PCDHA4: variants seen among roughly 807,000 people sequenced by gnomAD.
PCDHA4 encodes the protein protocadherin alpha-4.
In PCDHA4, 49 loss-of-function variants were observed where a neutral mutation model predicts 61.4. The observed-to-expected ratio is 0.80, with a 90% CI of 0.63 to 1.01. The LOEUF is 1.01. Among genes scored for constraint, PCDHA4 ranks in the 50% least tolerant of loss-of-function variants. The probability of loss-of-function intolerance (pLI) is 0.00; values close to 1 mark genes in which losing one functional copy is unlikely to be tolerated. For missense variants in PCDHA4, 1,254 were observed against 1,235.8 expected, an observed-to-expected ratio of 1.01 and a Z score of -0.22; for synonymous variants, 590 against 550.3, an observed-to-expected ratio of 1.07 and a Z score of -1.01.
rs2154002003 is a variant in PCDHA4, at chr5:141,010,389, G to GAC, written c.*453_*454dup. The stretch of plus-strand genomic sequence containing the variant: ...TATGCGAGTGCCAGATATTGGCTGA[G>GAC]ACGAGCCAGCTTAGACTAATTGGTA... On this transcript the variant is annotated 3_prime_UTR_variant, in exon 4 of 4. Coordinates refer to ENST00000530339, the MANE Select transcript of PCDHA4 (RefSeq NM_018907.4). 1.4e-6 allele frequency: 2 copies of GAC among 1,400,314 alleles called. No individual in the cohort carries two copies. The highest frequency in any genetic ancestry group is 5.0e-5 in the East Asian group (2 of 40,030). The allele number at this position is 1,400,314 out of a possible 1,614,324, so 86.7% of individuals were successfully genotyped here. A position where few individuals can be genotyped will look rare whatever the true frequency, so the allele number is the denominator to read the frequency against.
At chr5:140,851,173 A>G in intron 1 of PCDHA4, 1 of 1,267,370 alleles carries the variant, frequency 7.9e-7, no homozygotes, top group South Asian at 2.8e-5. Context: ...CTGCCATAAC[A>G]CTTGAAAACC....
intron 1 of PCDHA4, chr5:140,821,788 CG>C: frequency 6.2e-7 from 1 of 1,611,448 alleles, no homozygotes; most frequent in Non-Finnish European, 8.5e-7. Flanking sequence ...GGTATATTCC[CG>C]GAGAGGAAGT....
chr5:140,955,171 C>G (rs887184603), intron 1 of PCDHA4, among the ~76,000 whole-genome samples: 2 of 152,158 alleles, frequency 1.3e-5, no homozygotes, highest in African/African-American at 2.4e-5. Context: ...GTTTTGGTTA[C>G]TGTAGTTTTG....
rs2150270290 is a variant in PCDHA4, at chr5:140,836,802, A to T, written c.2385+27230A>T. ...CAATTAGTTCAATTGGTCTCCTTAA[A>T]TTTTCTTTCATAATTTCTTTTTTAG... is the stretch of plus-strand genomic sequence containing the variant. On this transcript the variant is annotated intron_variant, in intron 1 of 3. Coordinates refer to ENST00000530339, the MANE Select transcript of PCDHA4 (RefSeq NM_018907.4). 6 of 1,309,186 alleles carry T rather than the reference A, an allele frequency of 4.6e-6. No homozygotes were observed. In the African/African-American group the frequency reaches 7.5e-5, roughly 16 times the overall value. 81.1% of individuals were successfully genotyped at this position (1,309,186 alleles called of 1,614,324 possible). A position where few individuals can be genotyped will look rare whatever the true frequency, so the allele number is the denominator to read the frequency against.
intron 3 of PCDHA4, among the ~76,000 whole-genome samples, chr5:140,999,635 A>C (rs2097866612): frequency 6.6e-6 from 1 of 152,192 alleles, no homozygotes; most frequent in Non-Finnish European, 1.5e-5. Flanking sequence ...AAGGTAGAGA[A>C]AACTGTGCAG....
At chr5:140,888,213 T>A (rs1460298215) in intron 1 of PCDHA4, among the ~76,000 whole-genome samples, 1 of 152,170 alleles carries the variant, frequency 6.6e-6, no homozygotes, top group East Asian at 1.9e-4. Context: ...CTGGATTTTG[T>A]GTGTGTGTGC....
intron 1 of PCDHA4, chr5:140,875,968 T>C (rs1554168125): frequency 2.5e-6 from 4 of 1,614,024 alleles, no homozygotes; most frequent in Non-Finnish European, 3.4e-6. Flanking sequence ...CGGCGTAAAC[T>C]CTCTTTTGAC....
intron 1 of PCDHA4, among the ~76,000 whole-genome samples, chr5:140,948,234 T>G (rs1011132417): frequency 6.6e-6 from 1 of 151,670 alleles, no homozygotes; most frequent in African/African-American, 2.4e-5. Flanking sequence ...TTAACTTGTA[T>G]TTTAGTAAAT....
intron 1 of PCDHA4, chr5:140,927,345 C>G (rs1391320223): frequency 1.2e-6 from 2 of 1,614,012 alleles, no homozygotes. Context: ...CCCAAGATGA[C>G]GACGAGGGAA....
intron 1 of PCDHA4, among the ~76,000 whole-genome samples, chr5:140,895,931 C>A (rs1365477787): frequency 5.3e-5 from 8 of 152,210 alleles, no homozygotes; most frequent in African/African-American, 1.9e-4. Flanking sequence ...CTGCCTCAGC[C>A]TCCCGAGTAG....
chr5:140,963,941 G>A lies in PCDHA4; in HGVS notation c.2386-15008G>A, dbSNP rs1434019587. Among the ~76,000 whole-genome samples the A allele has an allele frequency of 7.9e-5, 12 of 152,320 alleles. No homozygotes were observed. In the East Asian group the frequency reaches 9.6e-4, roughly 12 times the overall value. On this transcript the variant is annotated intron_variant, in intron 1 of 3. Coordinates refer to ENST00000530339, the MANE Select transcript of PCDHA4 (RefSeq NM_018907.4). ...TAAGTAACATGTCCATAGCCAAACAGTTAGTCACTGGCAGGAGTGTGACTG... is the reference window on the plus strand; with the variant it reads ...TAAGTAACATGTCCATAGCCAAACAATTAGTCACTGGCAGGAGTGTGACTG...
chr5:140,876,469 C>T, intron 1 of PCDHA4: 1 of 1,613,956 alleles, frequency 6.2e-7, no homozygotes. Context: ...CATGGCAGGT[C>T]ACAGCATGGT....
chr5:140,919,352 T>G (rs1406850241), intron 1 of PCDHA4, among the ~76,000 whole-genome samples: 1 of 152,222 alleles, frequency 6.6e-6, no homozygotes, highest in Non-Finnish European at 1.5e-5. Flanking sequence ...TCTTTGAATC[T>G]AAAAGTGTCT....
intron 1 of PCDHA4, chr5:140,814,771 T>C (rs2126658465): frequency 6.6e-6 from 1 of 152,344 alleles, no homozygotes; most frequent in East Asian, 1.9e-4. Context: ...ATGTGGTCTG[T>C]TATTGGTTGA....
rs556593659 is a variant in PCDHA4, at chr5:140,966,652, G to A, written c.2386-12297G>A. ...CCCAGGCGCTTTCTAGAGCGTGAGC[G>A]GTGGGGGAGCAGGCGCAGGGTGGCA... On this transcript the variant is annotated intron_variant, in intron 1 of 3. Coordinates refer to ENST00000530339, the MANE Select transcript of PCDHA4 (RefSeq NM_018907.4). 1.0e-5 allele frequency: 12 copies of A among 1,169,200 alleles called. No homozygotes were observed. In the Admixed American group the frequency reaches 2.0e-4, roughly 19 times the overall value. The allele number at this position is 1,169,200 out of a possible 1,614,324, so 72.4% of individuals were successfully genotyped here.
At chr5:140,985,127 C>T (rs986497777) in intron 3 of PCDHA4, among the ~76,000 whole-genome samples, 7 of 152,152 alleles carry the variant, frequency 4.6e-5, no homozygotes, top group Non-Finnish European at 1.0e-4. Flanking sequence ...TTAGTAAAGA[C>T]GGGGTTTCAC....
rs1002466846 is a variant in PCDHA4, at chr5:140,853,169, G to A, written c.2385+43597G>A. The A allele has an allele frequency of 8.3e-6, 8 of 959,586 alleles. No individual in the cohort carries two copies. The African/African-American group carries it at 8.9e-5, about 11-fold the overall frequency. The allele number at this position is 959,586 out of a possible 1,614,324, so 59.4% of individuals were successfully genotyped here. On this transcript the variant is annotated intron_variant, in intron 1 of 3. Coordinates refer to ENST00000530339, the MANE Select transcript of PCDHA4 (RefSeq NM_018907.4). Reference sequence around the variant, plus strand: ...GCTGGGATTACAGGCGTGAGCCACCGCGCCTGGCCTAAAATGTGTTCTTTA... The same window carrying A: ...GCTGGGATTACAGGCGTGAGCCACCACGCCTGGCCTAAAATGTGTTCTTTA...
intron 1 of PCDHA4, chr5:140,870,203 T>C (rs782746068): frequency 5.0e-6 from 8 of 1,613,986 alleles, no homozygotes; most frequent in Non-Finnish European, 5.1e-6. Flanking sequence ...CCCAGCACGG[T>C]CATTGCCCTG....
intron 1 of PCDHA4, chr5:140,868,917 AAGTT>A: frequency 1.0e-6 from 1 of 955,956 alleles, no homozygotes; most frequent in Non-Finnish European, 1.5e-6. Flanking sequence ...ACTTGGTGGA[AAGTT>A]CATTTAAAGG....
Sources: gnomAD v4.1 joint callset for allele counts (sites outside exome capture counted in the v4.1 genomes callset) on GRCh38, gnomAD v4.1.1 for gene constraint, MANE v1.5 for transcripts, NCBI Gene and HGNC (gene_info 2026-07-23, HGNC 2026-07-21) for gene names.